MAGI1: variants seen among roughly 807,000 people sequenced by gnomAD.
MAGI1 encodes the protein membrane associated guanylate kinase, WW and PDZ domain containing 1.
A neutral mutation model predicts 139.9 loss-of-function variants in MAGI1; 58 were observed. The ratio of observed to expected loss-of-function variants is 0.41; its 90% confidence interval spans 0.34 to 0.52. The LOEUF is 0.52. MAGI1 is among the 20% of genes least tolerant of loss of function. MAGI1 has a pLI of 0.12. For missense variants in MAGI1, 1,874 were observed against 1,901.6 expected (o/e 0.99, Z 0.27); for synonymous variants, 812 against 737.9 (o/e 1.10, Z -1.63).
At chr3:65,702,003 A>T (rs1038546223) in intron 1 of MAGI1, among the ~76,000 whole-genome samples, 5 of 151,626 alleles carry the variant, frequency 3.3e-5, no homozygotes, top group African/African-American at 7.3e-5. Context: ...TTATTTATTT[A>T]TTTTTTTTGC....
intron 7 of MAGI1, among the ~76,000 whole-genome samples, chr3:65,443,683 T>G (rs567564829): frequency 3.3e-5 from 5 of 152,068 alleles, no homozygotes; most frequent in African/African-American, 4.8e-5. Context: ...AGGTTGTGGG[T>G]TTTTTTTGTC....
intron 1 of MAGI1, among the ~76,000 whole-genome samples, chr3:65,765,587 T>A (rs987782557): frequency 6.6e-6 from 1 of 152,178 alleles, no homozygotes; most frequent in Admixed American, 6.5e-5. Flanking sequence ...ACCAGATACA[T>A]GAGGCTGTGG....
In MAGI1 at chr3:65,369,434, C is replaced by T. The variant is rs182348869; in HGVS notation, c.3197-4488G>A. On this transcript the variant is annotated intron_variant, in intron 18 of 22. Transcript: ENST00000402939. Reference sequence around the variant, plus strand: ...TGGAAATGGACTCAGAGTAGACTCACGCACTGCACAAAGGGCAGAGCATCT... The same window carrying T: ...TGGAAATGGACTCAGAGTAGACTCATGCACTGCACAAAGGGCAGAGCATCT... 1.0e-3 allele frequency among the ~76,000 whole-genome samples: 158 copies of T among 152,038 alleles called. 4 individuals are homozygous for T. Among genetic ancestry groups the T allele is most frequent in the Admixed American group, 8.1e-3 (123 of 15,274 alleles).
At chr3:65,527,346 G>A (rs550954912) in intron 2 of MAGI1, among the ~76,000 whole-genome samples, 106 of 152,244 alleles carry the variant, frequency 7.0e-4, no homozygotes, top group African/African-American at 2.6e-3. Flanking sequence ...TTGGGAGGCT[G>A]AGGCAGGTGG....
chr3:65,678,788 A>C (rs1439133620), intron 1 of MAGI1, among the ~76,000 whole-genome samples: 6 of 152,156 alleles, frequency 3.9e-5, no homozygotes, highest in Non-Finnish European at 7.3e-5. Context: ...ATTTGGCGTG[A>C]CATCTCTCTC....
rs953542969 is a variant in MAGI1, at chr3:65,360,252, G to A, written c.3634+947C>T. 16 of 985,102 alleles carry A rather than the reference G, an allele frequency of 1.6e-5. No individual in the cohort carries two copies. In the African/African-American group the frequency reaches 2.4e-4, roughly 15 times the overall value. The allele number at this position is 985,102 out of a possible 1,614,324, so 61.0% of individuals were successfully genotyped here. On this transcript the variant is annotated intron_variant, in intron 22 of 22. Coordinates refer to ENST00000402939, the MANE Select transcript of MAGI1 (RefSeq NM_001033057.2). ...TAATAGATAAATCCCTAATAAAGGG[G>A]ACCAACGTATCTGGGGACCATTCAA...
At chr3:65,394,431 C>A (rs1475164360) in intron 13 of MAGI1, among the ~76,000 whole-genome samples, 3 of 152,140 alleles carry the variant, frequency 2.0e-5, no homozygotes, top group African/African-American at 7.2e-5. Context: ...TGAGAATATG[C>A]TCTAAAAACT....
At chr3:65,834,180 G>A (rs2042680688) in intron 1 of MAGI1, among the ~76,000 whole-genome samples, 1 of 152,192 alleles carries the variant, frequency 6.6e-6, no homozygotes, top group African/African-American at 2.4e-5. Flanking sequence ...GTAAGAGGAG[G>A]TAGGAACATG....
intron 1 of MAGI1, among the ~76,000 whole-genome samples, chr3:65,837,518 A>G (rs2058666745): frequency 1.3e-5 from 2 of 152,210 alleles, no homozygotes; most frequent in Admixed American, 1.3e-4. Context: ...CATAACCAGT[A>G]GATGCCTTCG....
At chr3:65,965,617 G>A in intron 1 of MAGI1, among the ~76,000 whole-genome samples, 1 of 152,018 alleles carries the variant, frequency 6.6e-6, no homozygotes, top group East Asian at 1.9e-4. Flanking sequence ...ACTGAAGCAG[G>A]AACTCAAGTG....
intron 5 of MAGI1, among the ~76,000 whole-genome samples, chr3:65,467,184 A>G (rs1003012638): frequency 6.6e-6 from 1 of 152,114 alleles, no homozygotes; most frequent in Admixed American, 6.5e-5. Context: ...TGTTTTCTAT[A>G]CAATGCCAAA....
At chr3:65,903,000 G>C (rs1260700028) in intron 1 of MAGI1, among the ~76,000 whole-genome samples, 1 of 152,036 alleles carries the variant, frequency 6.6e-6, no homozygotes, top group Non-Finnish European at 1.5e-5. Flanking sequence ...TTTTTGGGGG[G>C]AGTGGTGGGG....
At chr3:65,546,184 T>C (rs1247318434) in intron 2 of MAGI1, among the ~76,000 whole-genome samples, 1 of 152,198 alleles carries the variant, frequency 6.6e-6, no homozygotes, top group African/African-American at 2.4e-5. Context: ...CTTTGTCTCG[T>C]TGAACAATAT....
rs146803897 is a variant in MAGI1, at chr3:65,892,025, T to C, written c.313+145971A>G. ...GGACAATGAGATACACCCCCTCCCATATTGTTCTAAATAGATACTTTATAC... is the reference window on the plus strand; with the variant it reads ...GGACAATGAGATACACCCCCTCCCACATTGTTCTAAATAGATACTTTATAC... On this transcript the variant is annotated intron_variant, in intron 1 of 22. Coordinates refer to ENST00000402939, the MANE Select transcript of MAGI1 (RefSeq NM_001033057.2). Among the ~76,000 whole-genome samples the C allele has an allele frequency of 2.6e-3, 387 of 148,684 alleles. 4 individuals carry two copies. The highest frequency in any genetic ancestry group is 8.9e-3 in the African/African-American group (360 of 40,506).
Position 65,881,381 on chromosome 3 carries a change from C to G in MAGI1, c.313+156615G>C, listed in dbSNP as rs902905650. On this transcript the variant is annotated intron_variant, in intron 1 of 22. Coordinates refer to ENST00000402939, the MANE Select transcript of MAGI1 (RefSeq NM_001033057.2). ...GTGGCTCACACCTGTAATCCCAGCA[C>G]TTTGGGGGGCCAAGGCAGGAGGATC... 5.9e-5 allele frequency among the ~76,000 whole-genome samples: 9 copies of G among 152,260 alleles called. No homozygotes were observed. In the East Asian group the frequency reaches 1.7e-3, roughly 29 times the overall value.
intron 1 of MAGI1, among the ~76,000 whole-genome samples, chr3:65,968,637 AG>A (rs1181232373): frequency 1.3e-5 from 2 of 151,732 alleles, no homozygotes; most frequent in African/African-American, 4.8e-5. Flanking sequence ...AGCAAGAGAA[AG>A]GAGGGGAAAC....
At chr3:65,612,833 G>A (rs1271503388) in intron 2 of MAGI1, among the ~76,000 whole-genome samples, 1 of 152,022 alleles carries the variant, frequency 6.6e-6, no homozygotes, top group East Asian at 1.9e-4. Context: ...AATAATACAT[G>A]GTAAGGATAC....
chr3:65,470,852 T>C (rs773611206), intron 4 of MAGI1, among the ~76,000 whole-genome samples: 3 of 152,198 alleles, frequency 2.0e-5, no homozygotes, highest in Non-Finnish European at 4.4e-5. Flanking sequence ...TCCATAGGTA[T>C]CATTTGATTT....
intron 1 of MAGI1, among the ~76,000 whole-genome samples, chr3:65,782,600 T>G (rs1461089747): frequency 8.7e-6 from 1 of 114,704 alleles, no homozygotes; most frequent in Admixed American, 1.2e-4. Flanking sequence ...TTAAAGTATA[T>G]GGATTTCTTA....
Sources: allele counts gnomAD v4.1 joint callset (sites outside exome capture counted in the v4.1 genomes callset), GRCh38; gene constraint gnomAD v4.1.1; transcripts MANE v1.5; gene names NCBI Gene and HGNC (gene_info 2026-07-23, HGNC 2026-07-21).